KAZN: variants seen among roughly 807,000 people sequenced by gnomAD.
The protein encoded by KAZN is kazrin, periplakin interacting protein.
KAZN carries 40 observed loss-of-function variants against 87.4 expected under a neutral mutation model. That is an observed-to-expected ratio of 0.46 (90% CI 0.36 to 0.60). The LOEUF is 0.60. KAZN is among the 20% of genes least tolerant of loss of function. The pLI, the probability that KAZN is intolerant of heterozygous loss-of-function variation, is 0.00. For missense variants in KAZN, 898 were observed against 1,073.9 expected (o/e 0.84, Z 2.29); for synonymous variants, 466 against 458.3 (o/e 1.02, Z -0.22).
intron 1 of KAZN, among the ~76,000 whole-genome samples, chr1:14,726,020 AC>A (rs1643365180): frequency 6.6e-6 from 1 of 152,122 alleles, no homozygotes; most frequent in South Asian, 2.1e-4. Flanking sequence ...CTGCTCCCAA[AC>A]TGTGAATGTC....
intron 1 of KAZN, among the ~76,000 whole-genome samples, chr1:14,023,441 ACAT>A (rs1379301536): frequency 1.3e-5 from 2 of 152,224 alleles, no homozygotes; most frequent in African/African-American, 2.4e-5. Flanking sequence ...GGTTTTATTA[ACAT>A]CATCATTCCA....
At chr1:14,604,354 G>A (rs1331403630) in intron 1 of KAZN, among the ~76,000 whole-genome samples, 1 of 152,170 alleles carries the variant, frequency 6.6e-6, no homozygotes, top group African/African-American at 2.4e-5. Flanking sequence ...TAGCAGCTAA[G>A]AGTTCTGCTG....
intron 1 of KAZN, among the ~76,000 whole-genome samples, chr1:13,970,766 C>T (rs1642109124): frequency 1.3e-5 from 2 of 152,162 alleles, no homozygotes; most frequent in South Asian, 2.1e-4. Context: ...GTTCATACTT[C>T]TATTCTGATT....
intron 1 of KAZN, among the ~76,000 whole-genome samples, chr1:14,062,006 G>A (rs922551864): frequency 1.3e-5 from 2 of 152,168 alleles, no homozygotes; most frequent in African/African-American, 4.8e-5. Flanking sequence ...GGGTGGTAAT[G>A]GAGTTACTCT....
At chr1:14,830,757 A>G (rs1647029047) in intron 1 of KAZN, among the ~76,000 whole-genome samples, 1 of 152,198 alleles carries the variant, frequency 6.6e-6, no homozygotes, top group Admixed American at 6.5e-5. Context: ...CCAAACCATT[A>G]GAAACCACCA....
At chr1:14,962,913 G>T (rs1056727734) in intron 2 of KAZN, among the ~76,000 whole-genome samples, 1 of 152,138 alleles carries the variant, frequency 6.6e-6, no homozygotes, top group African/African-American at 2.4e-5. Flanking sequence ...CTACAACCTA[G>T]CCTCTTTAAA....
At chr1:14,156,533 A>G (rs952089749) in intron 1 of KAZN, among the ~76,000 whole-genome samples, 1 of 152,222 alleles carries the variant, frequency 6.6e-6, no homozygotes, top group African/African-American at 2.4e-5. Context: ...TTAGGTGCAT[A>G]TATTTAAAAT....
intron 2 of KAZN, among the ~76,000 whole-genome samples, chr1:14,316,606 C>T (rs939166693): frequency 6.6e-6 from 1 of 151,706 alleles, no homozygotes; most frequent in Non-Finnish European, 1.5e-5. Flanking sequence ...GTTTAATCTG[C>T]TTATTTATTT....
intron 1 of KAZN, among the ~76,000 whole-genome samples, chr1:14,603,636 T>C (rs1367097272): frequency 6.6e-6 from 1 of 152,208 alleles, no homozygotes; most frequent in East Asian, 1.9e-4. Flanking sequence ...CAACACCTCT[T>C]TGATGCACCC....
chr1:14,420,101 T>A (rs1432330160), intron 2 of KAZN, among the ~76,000 whole-genome samples: 1 of 152,188 alleles, frequency 6.6e-6, no homozygotes, highest in African/African-American at 2.4e-5. Flanking sequence ...TTTGACAGGG[T>A]GCTGATTGGT....
intron 6 of KAZN, 41 bp downstream of exon 6, chr1:15,060,343 C>T: frequency 2.5e-6 from 4 of 1,611,932 alleles, no homozygotes; most frequent in Non-Finnish European, 3.4e-6. Flanking sequence ...CTGGGCCCTG[C>T]CCAGAAACTG....
chr1:14,363,805 C>A (rs1228567374), intron 2 of KAZN, among the ~76,000 whole-genome samples: 1 of 152,080 alleles, frequency 6.6e-6, no homozygotes, highest in African/African-American at 2.4e-5. Context: ...GTTTGTTACC[C>A]CCTGCTCTAG....
rs1312801291 is a variant in KAZN at position 14,735,150 on chromosome 1, C to T, written c.226+135927C>T. 2.0e-5 allele frequency among the ~76,000 whole-genome samples: 3 copies of T among 152,208 alleles called. No homozygotes were observed. Among genetic ancestry groups the T allele is most frequent in the Non-Finnish European group, 4.4e-5 (3 of 68,038 alleles). On this transcript the variant is annotated intron_variant, in intron 1 of 14. Transcript: ENST00000376030. The surrounding 1 kb of genome is among the most constrained non-coding windows in gnomAD (Gnocchi z 4.3). Reference sequence around the variant, plus strand: ...TCTCGGCTCACTGCGAGCTCCGCCTCCCGGGTTCACTCCATTCTCCTGCCT... The same window carrying T: ...TCTCGGCTCACTGCGAGCTCCGCCTTCCGGGTTCACTCCATTCTCCTGCCT...
At chr1:13,911,416 A>C (rs914399450) in intron 1 of KAZN, among the ~76,000 whole-genome samples, 2 of 152,176 alleles carry the variant, frequency 1.3e-5, no homozygotes, top group African/African-American at 4.8e-5. Context: ...TGAAGTCAGC[A>C]CCAAGCCATG....
At chr1:15,014,846 C>T (rs1027519860) in intron 2 of KAZN, among the ~76,000 whole-genome samples, 3 of 152,100 alleles carry the variant, frequency 2.0e-5, no homozygotes, top group African/African-American at 7.3e-5. Context: ...TCCCGCCTTC[C>T]GTGCCCTCAC....
intron 1 of KAZN, among the ~76,000 whole-genome samples, chr1:14,922,698 A>G (rs1453632723): frequency 1.3e-5 from 2 of 150,986 alleles, no homozygotes; most frequent in Non-Finnish European, 2.9e-5. Context: ...AGGCTGAGGC[A>G]GGAGAATCGC....
At chr1:14,091,243 C>G (rs193218256) in intron 1 of KAZN, among the ~76,000 whole-genome samples, 9 of 152,268 alleles carry the variant, frequency 5.9e-5, no homozygotes, top group African/African-American at 1.9e-4. Flanking sequence ...CTCTTTTCTC[C>G]GCTCAGTGAG....
intron 1 of KAZN, among the ~76,000 whole-genome samples, chr1:14,698,723 A>T (rs1641757946): frequency 6.6e-6 from 1 of 152,236 alleles, no homozygotes; most frequent in Non-Finnish European, 1.5e-5. Context: ...CGCCAGCACC[A>T]GCCCGTTTCA....
At chr1:14,529,002 T>A (rs1012075328) in intron 2 of KAZN, among the ~76,000 whole-genome samples, 5 of 151,818 alleles carry the variant, frequency 3.3e-5, no homozygotes, top group Admixed American at 1.3e-4. Flanking sequence ...ACTGCAGTTA[T>A]AACAAAATAA....
Sources: gnomAD v4.1 joint callset for allele counts (sites outside exome capture counted in the v4.1 genomes callset) on GRCh38, gnomAD v4.1.1 for gene constraint, Gnocchi (gnomAD v3.1) non-coding constraint, MANE v1.5 for transcripts, NCBI Gene and HGNC (gene_info 2026-07-23, HGNC 2026-07-21) for gene names.